The following PARD3 variants were observed in gnomAD, a reference collection of about 807,000 sequenced individuals.
PARD3 encodes the protein par-3 family cell polarity regulator.
In PARD3, 75 loss-of-function variants were observed where a neutral mutation model predicts 155.4. The observed-to-expected ratio is 0.48, with a 90% CI of 0.40 to 0.58. PARD3 has a LOEUF of 0.58. Ranked by LOEUF, PARD3 falls within the 20% of genes least tolerant of loss-of-function variation. PARD3 has a pLI of 0.00. For synonymous variants in PARD3, 576 were observed against 610.5 expected (o/e 0.94, Z 0.83); for missense variants, 1,642 against 1,721.7 (o/e 0.95, Z 0.82).
chr10:34,363,823 T>G (rs752147052), intron 12 of PARD3, among the ~76,000 whole-genome samples: 11 of 152,216 alleles, frequency 7.2e-5, no homozygotes, highest in Non-Finnish European at 1.5e-4. Context: ...CAAGTGATTG[T>G]TTTCAGCAAC....
At chr10:34,695,477 CAAAAAAAA>C (rs60331770) in intron 2 of PARD3, among the ~76,000 whole-genome samples, 1 of 109,564 alleles carries the variant, frequency 9.1e-6, no homozygotes, top group Non-Finnish European at 1.8e-5. Flanking sequence ...GACTCCATCT[CAAAAAAAA>C]AAAAAAAAAA....
intron 1 of PARD3, among the ~76,000 whole-genome samples, chr10:34,721,232 A>G (rs1412695303): frequency 6.6e-6 from 1 of 152,244 alleles, no homozygotes; most frequent in Non-Finnish European, 1.5e-5. Flanking sequence ...CAACCAAAAG[A>G]AATCAATTCC....
intron 22 of PARD3, among the ~76,000 whole-genome samples, chr10:34,193,011 T>A (rs982693714): frequency 6.6e-6 from 1 of 152,232 alleles, no homozygotes; most frequent in Non-Finnish European, 1.5e-5. Flanking sequence ...CTCCTAAAAC[T>A]GATTTTTGGA....
intron 1 of PARD3, among the ~76,000 whole-genome samples, chr10:34,771,852 A>T (rs973833045): frequency 6.6e-6 from 1 of 152,228 alleles, no homozygotes; most frequent in Non-Finnish European, 1.5e-5. Flanking sequence ...CTTCAGAGGA[A>T]TACAGCAAGT....
At chr10:34,346,112 G>C (rs981383255) in intron 15 of PARD3, 1 of 1,006,478 alleles carries the variant, frequency 9.9e-7, no homozygotes, top group Non-Finnish European at 1.2e-6. Context: ...AACTGGGAGA[G>C]AAGTTACTGC....
intron 21 of PARD3, among the ~76,000 whole-genome samples, chr10:34,278,213 A>G (rs1955982064): frequency 9.7e-6 from 1 of 102,654 alleles, no homozygotes; most frequent in Non-Finnish European, 2.0e-5. Flanking sequence ...TGCCCTGCTA[A>G]TTAAAAAAAA....
At chr10:34,485,590 G>A (rs1371839253) in intron 3 of PARD3, among the ~76,000 whole-genome samples, 1 of 152,156 alleles carries the variant, frequency 6.6e-6, no homozygotes, top group East Asian at 1.9e-4. Flanking sequence ...TTGGTTGAAA[G>A]AGTTAAGTTA....
rs758810187 is a variant in PARD3, at chr10:34,304,047, C to T, written c.3065+13060G>A. 2.0e-5 allele frequency among the ~76,000 whole-genome samples: 3 copies of T among 151,956 alleles called. 1 individual carries two copies. The South Asian group carries it at 6.2e-4, about 32-fold the overall frequency. ...CAGAGCCACCTAGAAGGAAGAGAGC[C>T]GGAGGAAAGAGGGCATTGTTTTAAA... On this transcript the variant is annotated intron_variant, in intron 20 of 24. Transcript: ENST00000374788.
intron 23 of PARD3, among the ~76,000 whole-genome samples, chr10:34,130,613 G>A (rs1046489987): frequency 6.6e-6 from 1 of 152,116 alleles, no homozygotes; most frequent in Admixed American, 6.5e-5. Flanking sequence ...TCTCAGAAGT[G>A]CTGTCATCTC....
intron 22 of PARD3, among the ~76,000 whole-genome samples, chr10:34,253,632 T>C (rs1472773811): frequency 2.0e-5 from 3 of 152,172 alleles, no homozygotes; most frequent in East Asian, 1.9e-4. Context: ...ACCATGAGTG[T>C]AGAGGCTAAG....
chr10:34,715,540 A>G (rs568113550), intron 1 of PARD3, among the ~76,000 whole-genome samples: 1 of 152,270 alleles, frequency 6.6e-6, no homozygotes, highest in African/African-American at 2.4e-5. Flanking sequence ...TCCCTTGCGG[A>G]AATCTTACCC....
At position 34,374,887 on chromosome 10, in the gene PARD3, T is replaced by C. The variant is rs916946370; in HGVS notation, c.1655A>G (p.His552Arg). The C allele has an allele frequency of 6.8e-6, 11 of 1,613,920 alleles. No individual in the cohort carries two copies. Among genetic ancestry groups the C allele is most frequent in the African/African-American group, 1.3e-5 (1 of 74,908 alleles). The change falls in exon 11 of 25, where the codon CAC (histidine) becomes CGC (arginine). Residue 552 changes from histidine to arginine, a missense_variant. Physicochemically the swap from His to Arg is conservative, Grantham distance 29. Transcript: ENST00000374788. ...AAATTTACACACCAGTTCCCTTGGG[T>C]GGAAGGCGTCTTCCTGGCGAAAGAC... is the stretch of plus-strand genomic sequence containing the variant. ...LLVFRQEDAF[H>R]PRELNAEPSQ... is the part of the protein sequence containing the mutation.
rs35872932 is a variant in PARD3, at chr10:34,657,231, CA to C, written c.222+39086del. 1.6e-3 allele frequency among the ~76,000 whole-genome samples: 229 copies of C among 140,592 alleles called. 1 individual carries two copies. Among genetic ancestry groups the C allele is most frequent in the Middle Eastern group, 3.6e-3 (1 of 276 alleles). The allele number at this position is 140,592 out of a possible 152,430, so 92.2% of individuals were successfully genotyped here. ...GCAACAGAGGAGATCCCACCTCTACCAAAAAAAAAAAAGTCAGAAAAGCCAG... is the reference window on the plus strand; with the variant it reads ...GCAACAGAGGAGATCCCACCTCTACCAAAAAAAAAAAGTCAGAAAAGCCAG... On this transcript the variant is annotated intron_variant, in intron 2 of 24. Transcript: ENST00000374788.
At chr10:34,775,152 A>G (rs1275318550) in intron 1 of PARD3, among the ~76,000 whole-genome samples, 1 of 152,256 alleles carries the variant, frequency 6.6e-6, no homozygotes, top group Non-Finnish European at 1.5e-5. Flanking sequence ...TCAAGCTCAT[A>G]TGACAGAGCA....
chr10:34,249,563 A>G (rs1333874119), intron 22 of PARD3, among the ~76,000 whole-genome samples: 1 of 152,174 alleles, frequency 6.6e-6, no homozygotes, highest in Non-Finnish European at 1.5e-5. Context: ...CGTGCTGGGT[A>G]TATTTTTAAG....
At chr10:34,280,134 T>C (rs1956090788) in intron 21 of PARD3, among the ~76,000 whole-genome samples, 2 of 152,202 alleles carry the variant, frequency 1.3e-5, no homozygotes, top group Non-Finnish European at 2.9e-5. Context: ...TGGCCAGATA[T>C]CATAGCTAAT....
intron 2 of PARD3, among the ~76,000 whole-genome samples, chr10:34,618,755 C>T (rs1040927590): frequency 6.6e-6 from 1 of 152,156 alleles, no homozygotes; most frequent in African/African-American, 2.4e-5. Context: ...ACTTTCCACC[C>T]GTTCCACATT....
chr10:34,461,077 C>T (rs1487592280), intron 4 of PARD3, among the ~76,000 whole-genome samples: 4 of 152,108 alleles, frequency 2.6e-5, no homozygotes, highest in Non-Finnish European at 5.9e-5. Flanking sequence ...GAAACACTGA[C>T]TGGAACACAT....
At chr10:34,446,987 A>C (rs1366590365) in intron 5 of PARD3, among the ~76,000 whole-genome samples, 1 of 152,104 alleles carries the variant, frequency 6.6e-6, no homozygotes. Flanking sequence ...AAAATTAATA[A>C]AGCAACTAAA....
Sources: allele counts gnomAD v4.1 joint callset (sites outside exome capture counted in the v4.1 genomes callset), GRCh38; gene constraint gnomAD v4.1.1; transcripts MANE v1.5; gene names NCBI Gene and HGNC (gene_info 2026-07-23, HGNC 2026-07-21).